TRDN: variants seen among roughly 807,000 people sequenced by gnomAD.
The protein encoded by TRDN is triadin in skeletal muscle.
Under a neutral mutation model 149.7 loss-of-function variants are expected in TRDN, and 161 were observed. That is an observed-to-expected ratio of 1.08 (90% confidence interval 0.95 to 1.23). TRDN has a LOEUF of 1.23. TRDN is among the 50% of genes most tolerant of loss of function. TRDN has a pLI of 0.00. For synonymous variants in TRDN, 294 were observed against 250.5 expected (o/e 1.17, Z -1.64); for missense variants, 896 against 823.5 (o/e 1.09, Z -1.08).
chr6:123,354,901 A>C (rs1437386046), intron 20 of TRDN, among the ~76,000 whole-genome samples: 1 of 151,678 alleles, frequency 6.6e-6, no homozygotes, highest in Non-Finnish European at 1.5e-5. Context: ...GTAACAATAA[A>C]ATAAAATAAA....
intron 1 of TRDN, among the ~76,000 whole-genome samples, chr6:123,606,778 C>T (rs1333390226): frequency 6.6e-6 from 1 of 152,126 alleles, no homozygotes; most frequent in Non-Finnish European, 1.5e-5. Context: ...CTTCATCTAG[C>T]TACAGTTATA....
At chr6:123,231,649 T>C (rs779084896) in intron 38 of TRDN, among the ~76,000 whole-genome samples, 3 of 152,052 alleles carry the variant, frequency 2.0e-5, no homozygotes, top group Non-Finnish European at 4.4e-5. Flanking sequence ...AAATAGTCAG[T>C]GTTTCTCACA....
At chr6:123,630,821 CAT>C (rs1785954647) in intron 1 of TRDN, among the ~76,000 whole-genome samples, 1 of 151,992 alleles carries the variant, frequency 6.6e-6, no homozygotes, top group Non-Finnish European at 1.5e-5. Context: ...ATTTAAAAAA[CAT>C]AAACTTAATT....
At chr6:123,294,035 C>T (rs1011960450) in intron 24 of TRDN, among the ~76,000 whole-genome samples, 2 of 152,270 alleles carry the variant, frequency 1.3e-5, no homozygotes, top group Admixed American at 6.5e-5. Context: ...GCTACCAACA[C>T]AGGTCAGGCA....
At chr6:123,363,665 T>C (rs1195167269) in intron 20 of TRDN, among the ~76,000 whole-genome samples, 1 of 152,180 alleles carries the variant, frequency 6.6e-6, no homozygotes, top group East Asian at 1.9e-4. Flanking sequence ...CCAACCAAAA[T>C]GTTTGGCCAT....
At chr6:123,560,045 C>T (rs570308883) in intron 2 of TRDN, among the ~76,000 whole-genome samples, 14 of 152,116 alleles carry the variant, frequency 9.2e-5, no homozygotes, top group Admixed American at 1.3e-4. Flanking sequence ...TACACAAGAG[C>T]CAGGACTGCA....
intron 14 of TRDN, among the ~76,000 whole-genome samples, chr6:123,385,770 G>A (rs931791442): frequency 3.8e-4 from 58 of 152,008 alleles, no homozygotes; most frequent in African/African-American, 1.3e-3. Context: ...CTAGAATTCC[G>A]GTTGCTAGGA....
At chr6:123,344,163 T>C (rs1030419277) in intron 21 of TRDN, among the ~76,000 whole-genome samples, 2 of 152,054 alleles carry the variant, frequency 1.3e-5, no homozygotes, top group Non-Finnish European at 2.9e-5. Flanking sequence ...GGCAGTTTGT[T>C]ATAGCAGCCC....
intron 1 of TRDN, among the ~76,000 whole-genome samples, chr6:123,580,088 C>A (rs182873496): frequency 6.6e-6 from 1 of 152,096 alleles, no homozygotes; most frequent in Non-Finnish European, 1.5e-5. Flanking sequence ...GGTACCAGCT[C>A]TTCTTTGTAT....
chr6:123,245,620 T>G (rs1037089919), intron 38 of TRDN, among the ~76,000 whole-genome samples: 1 of 152,086 alleles, frequency 6.6e-6, no homozygotes, highest in South Asian at 2.1e-4. Context: ...CAAAGAGACT[T>G]AGACACCCAC....
chr6:123,534,260 A>G (rs1374501020), intron 4 of TRDN, among the ~76,000 whole-genome samples: 1 of 152,220 alleles, frequency 6.6e-6, no homozygotes, highest in Non-Finnish European at 1.5e-5. Flanking sequence ...AACACAGCAG[A>G]ACTAGTAAAG....
In TRDN at chr6:123,464,478, T is replaced by C. The variant is rs140736709; in HGVS notation, c.931+428A>G. On this transcript the variant is annotated intron_variant, in intron 10 of 40. Coordinates refer to ENST00000334268, the MANE Select transcript of TRDN (RefSeq NM_006073.4). ...ATCATCTTAGAGATGGCAAAACTCA[T>C]GAAGAGTTAATTTAAATAACTTTCC... 91 of 988,214 alleles carry C rather than the reference T, an allele frequency of 9.2e-5. No homozygotes were observed. The African/African-American group carries it at 1.5e-3, about 16-fold the overall frequency. The allele number at this position is 988,214 out of a possible 1,614,324, so 61.2% of individuals were successfully genotyped here. A position where few individuals can be genotyped will look rare whatever the true frequency, so the allele number is the denominator to read the frequency against.
chr6:123,395,875 C>T (rs565034465), intron 12 of TRDN, among the ~76,000 whole-genome samples: 119 of 152,206 alleles, frequency 7.8e-4, no homozygotes, highest in Non-Finnish European at 1.4e-3. Flanking sequence ...ACCTCAATTG[C>T]GTTTTCACCC....
chr6:123,407,252 T>C (rs1234496407), intron 12 of TRDN, among the ~76,000 whole-genome samples: 1 of 152,206 alleles, frequency 6.6e-6, no homozygotes, highest in Non-Finnish European at 1.5e-5. Flanking sequence ...AGTTGCTTTC[T>C]GCTTATACCA....
chr6:123,584,356 A>G (rs1270529439), intron 1 of TRDN, among the ~76,000 whole-genome samples: 2 of 146,726 alleles, frequency 1.4e-5, no homozygotes, highest in African/African-American at 2.4e-5. Context: ...GGCCTCTAAA[A>G]GTATTAGGGT....
chr6:123,462,132 C>G (rs899028094), intron 10 of TRDN: 21 of 152,038 alleles, frequency 1.4e-4, no homozygotes, highest in Admixed American at 9.2e-4. Flanking sequence ...CCAATTTTTC[C>G]TGGCCAAACA....
intron 1 of TRDN, among the ~76,000 whole-genome samples, chr6:123,616,519 T>C (rs1057447939): frequency 3.9e-5 from 6 of 152,210 alleles, no homozygotes; most frequent in African/African-American, 1.4e-4. Context: ...CAAATATATG[T>C]ATACTTCATA....
intron 9 of TRDN, among the ~76,000 whole-genome samples, chr6:123,467,704 T>C (rs887223150): frequency 5.9e-5 from 9 of 152,216 alleles, no homozygotes; most frequent in African/African-American, 1.9e-4. Flanking sequence ...TGGTCCTGAC[T>C]CATATAATCA....
At chr6:123,356,503 T>A (rs1246434335) in intron 20 of TRDN, among the ~76,000 whole-genome samples, 1 of 106,978 alleles carries the variant, frequency 9.3e-6, no homozygotes, top group Admixed American at 9.5e-5. Context: ...TACAAGAAGT[T>A]TATATATATA....
Sources: gnomAD v4.1 joint callset for allele counts (sites outside exome capture counted in the v4.1 genomes callset) on GRCh38, gnomAD v4.1.1 for gene constraint, MANE v1.5 for transcripts, NCBI Gene and HGNC (gene_info 2026-07-23, HGNC 2026-07-21) for gene names.